The following CNTRL variants were observed in gnomAD, a reference collection of about 807,000 sequenced individuals.
CNTRL encodes 110 kDa centrosomal protein.
Under a neutral mutation model 303.7 loss-of-function variants are expected in CNTRL, and 233 were observed. The observed-to-expected ratio is 0.77, with a 90% CI of 0.69 to 0.86. The LOEUF is 0.86. Among genes scored for constraint, CNTRL ranks in the 40% least tolerant of loss-of-function variants. CNTRL has a pLI of 0.00. For synonymous variants in CNTRL, 900 were observed against 922.2 expected (o/e 0.98, Z 0.44); for missense variants, 2,524 against 2,650.6 (o/e 0.95, Z 1.05).
intron 25 of CNTRL, chr9:121,152,236 G>A: frequency 2.3e-6 from 1 of 431,978 alleles, no homozygotes; most frequent in East Asian, 4.2e-5. Flanking sequence ...TTTGGAGGCA[G>A]AGGTTATCCA....
At chr9:121,101,362 G>C (rs754684987) in intron 7 of CNTRL, among the ~76,000 whole-genome samples, 5 of 152,158 alleles carry the variant, frequency 3.3e-5, no homozygotes, top group Non-Finnish European at 7.4e-5. Flanking sequence ...TGAGAACAAA[G>C]ACACAACATA....
chr9:121,087,158 G>A (rs1374362627), intron 2 of CNTRL, among the ~76,000 whole-genome samples: 1 of 152,174 alleles, frequency 6.6e-6, no homozygotes. Context: ...ACAGGATTTA[G>A]CGATTGACTG....
At chr9:121,098,017 A>AAAG (rs1352164892) in intron 6 of CNTRL, among the ~76,000 whole-genome samples, 1 of 152,222 alleles carries the variant, frequency 6.6e-6, no homozygotes, top group Non-Finnish European at 1.5e-5. Flanking sequence ...AGTATAATGA[A>AAAG]AAGACAAAGT....
intron 7 of CNTRL, among the ~76,000 whole-genome samples, chr9:121,102,490 G>A (rs2049228637): frequency 6.6e-6 from 1 of 152,188 alleles, no homozygotes; most frequent in Non-Finnish European, 1.5e-5. Flanking sequence ...ACTGGCACAA[G>A]ACAGGGATGC....
chr9:121,090,337 C>T lies in CNTRL; in HGVS notation c.280C>T (p.Gln94Ter). The change falls in exon 4 of 44, where the codon CAG (glutamine) becomes TAG (stop). Residue 94 changes from glutamine to a stop codon, truncating the protein, a stop_gained. Transcript: ENST00000373855. LOFTEE classifies it high-confidence loss of function. ...TEALIKKLTK[Q>*]DNLALIKSLN... is the part of the protein sequence containing the mutation. ...GGCCCTCATTAAAAAACTTACTAAA[C>T]AGGATAATTTGGCTTTGATAAAATC... The T allele has an allele frequency of 2.5e-6, 4 of 1,612,530 alleles. No homozygotes were observed. The highest frequency in any genetic ancestry group is 2.5e-6 in the Non-Finnish European group (3 of 1,179,148).
In CNTRL at chr9:121,088,043, TAAAC is replaced by T. The variant is rs1287878569; in HGVS notation, c.-31-251_-31-248del. ...GGGCCTTGGGACTAGTTTGGTTCAATAAACAGAACAGGAATGACAACACTTCCAG... is the reference window on the plus strand; with the variant it reads ...GGGCCTTGGGACTAGTTTGGTTCAATAGAACAGGAATGACAACACTTCCAG... On this transcript the variant is annotated intron_variant, in intron 2 of 43. Coordinates refer to ENST00000373855, the MANE Select transcript of CNTRL (RefSeq NM_007018.6). Among the ~76,000 whole-genome samples, 4 of 152,348 alleles carry T rather than the reference TAAAC, an allele frequency of 2.6e-5. No individual in the cohort carries two copies. The East Asian group carries it at 7.7e-4, about 29-fold the overall frequency.
At chr9:121,138,706 T>A (rs2051332642) in intron 16 of CNTRL, 27 bp downstream of exon 16, 1 of 1,607,766 alleles carries the variant, frequency 6.2e-7, no homozygotes, top group Admixed American at 1.7e-5. Context: ...TTAGAATACA[T>A]TCTTACACAG....
rs372581917 is a variant in CNTRL, at chr9:121,118,419, A to G, written c.1529A>G (p.Gln510Arg). 6.2e-6 allele frequency: 10 copies of G among 1,612,688 alleles called. No individual in the cohort carries two copies. The African/African-American group carries it at 1.1e-4, about 17-fold the overall frequency. Reference sequence around the variant, plus strand: ...CTACAACTTGTAAATAAATTACGCCAGGAAGCTCTGGATCTAGAACTGCAG... The same window carrying G: ...CTACAACTTGTAAATAAATTACGCCGGGAAGCTCTGGATCTAGAACTGCAG... ...GRLQLVNKLR[Q>R]EALDLELQME... The change falls in exon 12 of 44, where the codon CAG becomes CGG. Residue 510 changes from glutamine (Q) to arginine (R), a missense_variant. By Grantham distance (43) the Gln-to-Arg change is conservative (BLOSUM62 1). Transcript: ENST00000373855.
At chr9:121,173,090 C>G (rs568392007) in intron 40 of CNTRL, among the ~76,000 whole-genome samples, 153 bp from the exon 41 acceptor site, 2 of 152,292 alleles carry the variant, frequency 1.3e-5, no homozygotes, top group East Asian at 3.8e-4. Flanking sequence ...CTTATAGAGT[C>G]TTGAGTATCT....
chr9:121,128,171 C>T (rs7466784), intron 14 of CNTRL, among the ~76,000 whole-genome samples: 53,864 of 152,010 alleles, frequency 0.35, 11,888 homozygotes, highest in South Asian at 0.64. Flanking sequence ...GTAATGGGAT[C>T]GCTGGGTCAA....
In CNTRL at chr9:121,118,495, C is replaced by T; in HGVS notation, c.1605C>T (p.Asp535=). The T allele has an allele frequency of 2.5e-6, 4 of 1,608,620 alleles. No homozygotes were observed. The highest frequency in any genetic ancestry group is 3.4e-6 in the Non-Finnish European group (4 of 1,176,558). ...EIAGKQKEIK[D]LQIAIDSLDS... is the part of the protein sequence containing the mutation. ...CCGGAAAGCAGAAGGAGATTAAGGA[C>T]CTGCAAATAGCCATAGATAGCCTGG... The change falls in exon 12 of 44, where the codon GAC becomes GAT. Residue 535 remains aspartate (D), a synonymous_variant. Coordinates refer to ENST00000373855, the MANE Select transcript of CNTRL (RefSeq NM_007018.6).
At chr9:121,120,740 G>A (rs553352894) in intron 12 of CNTRL, among the ~76,000 whole-genome samples, 7 of 152,328 alleles carry the variant, frequency 4.6e-5, no homozygotes, top group Non-Finnish European at 1.0e-4. Flanking sequence ...CTGGATTTCT[G>A]TAGAGAATTA....
chr9:121,077,317 T>C (rs2131939100), intron 1 of CNTRL, among the ~76,000 whole-genome samples: 2 of 152,014 alleles, frequency 1.3e-5, no homozygotes, highest in East Asian at 3.8e-4. Flanking sequence ...TGCTTGGTCT[T>C]TGTTCATGTG....
chr9:121,108,147 G>A, intron 8 of CNTRL, 152 bp downstream of exon 8: 1 of 532,074 alleles, frequency 1.9e-6, no homozygotes, highest in Non-Finnish European at 3.3e-6. Flanking sequence ...GTAGTTGACT[G>A]TGTGCTAGAT....
intron 13 of CNTRL, among the ~76,000 whole-genome samples, 157 bp from the exon 14 acceptor site, chr9:121,125,559 A>C (rs1445151984): frequency 6.6e-6 from 1 of 152,184 alleles, no homozygotes; most frequent in African/African-American, 2.4e-5. Flanking sequence ...TTTGCTATCT[A>C]TAATAGGAAG....
intron 22 of CNTRL, 42 bp from the exon 23 acceptor site, chr9:121,146,066 A>G: frequency 4.6e-6 from 7 of 1,515,948 alleles, no homozygotes; most frequent in Non-Finnish European, 6.3e-6. Flanking sequence ...AAAGGAAGTA[A>G]GTGATTTCAT....
At chr9:121,132,712 C>T (rs1047799930) in intron 14 of CNTRL, among the ~76,000 whole-genome samples, 7 of 152,120 alleles carry the variant, frequency 4.6e-5, no homozygotes, top group Admixed American at 2.0e-4. Flanking sequence ...GGAGAAGAGG[C>T]GCTCGGTTTT....
At chr9:121,144,434 T>C (rs2051711075) in intron 20 of CNTRL, among the ~76,000 whole-genome samples, 1 of 152,202 alleles carries the variant, frequency 6.6e-6, no homozygotes, top group Non-Finnish European at 1.5e-5. Context: ...ATTTTTCATC[T>C]CGTGCAGTCA....
chr9:121,136,143 A>AT (rs1413566826), intron 15 of CNTRL, among the ~76,000 whole-genome samples, 161 bp downstream of exon 15: 2 of 152,126 alleles, frequency 1.3e-5, no homozygotes, highest in African/African-American at 4.8e-5. Context: ...TGTGAGTGCT[A>AT]ATAACTACCC....
Sources: allele counts gnomAD v4.1 joint callset (sites outside exome capture counted in the v4.1 genomes callset), GRCh38; gene constraint gnomAD v4.1.1; transcripts MANE v1.5; gene names NCBI Gene and HGNC (gene_info 2026-07-23, HGNC 2026-07-21).